ADGRL3: variants seen among roughly 807,000 people sequenced by gnomAD.
The protein encoded by ADGRL3 is adhesion G protein-coupled receptor L3.
A neutral mutation model predicts 153.5 loss-of-function variants in ADGRL3; 62 were observed. The ratio of observed to expected loss-of-function variants is 0.40; its 90% CI spans 0.33 to 0.50. The LOEUF (loss-of-function observed/expected upper bound fraction) is 0.50. Ranked by LOEUF, ADGRL3 falls within the 20% of genes least tolerant of loss-of-function variation. The pLI is 0.47. For synonymous variants in ADGRL3, 710 were observed against 672.5 expected (o/e 1.06, Z -0.86); for missense variants, 1,641 against 1,859.4 (o/e 0.88, Z 2.16).
At position 62,070,878 on chromosome 4, in the gene ADGRL3, A is replaced by G; in HGVS notation, c.4602A>G (p.Lys1534=). Residue 1534 remains lysine, a synonymous_variant, in exon 27 of 27, where the codon AAA becomes AAG. Transcript: ENST00000683033. ...GGACCCCTCCCGAGGGAAGTTCAAAAGGACCGGCTCATTTGGTCACTAGTC... is the reference window on the plus strand; with the variant it reads ...GGACCCCTCCCGAGGGAAGTTCAAAGGGACCGGCTCATTTGGTCACTAGTC... ...KDGTPPEGSS[K]GPAHLVTSL 1 of 1,550,908 alleles carries G rather than the reference A, an allele frequency of 6.4e-7. No homozygotes were observed. The highest frequency in any genetic ancestry group is 8.7e-7 in the Non-Finnish European group (1 of 1,146,528).
intron 8 of ADGRL3, among the ~76,000 whole-genome samples, chr4:61,767,179 A>G (rs561997370): frequency 1.4e-4 from 22 of 152,004 alleles, no homozygotes; most frequent in Non-Finnish European, 2.4e-4. Context: ...GACCCAAAGG[A>G]GGCTTTGGAT....
At chr4:61,817,926 G>T (rs1338057621) in intron 9 of ADGRL3, among the ~76,000 whole-genome samples, 1 of 152,072 alleles carries the variant, frequency 6.6e-6, no homozygotes, top group Non-Finnish European at 1.5e-5. Context: ...TGAGAATTAT[G>T]AGAGCTACAA....
At chr4:61,756,078 GC>G (rs1483327689) in intron 8 of ADGRL3, among the ~76,000 whole-genome samples, 8 of 152,064 alleles carry the variant, frequency 5.3e-5, no homozygotes, top group Non-Finnish European at 1.2e-4. Flanking sequence ...TGTTCTTTTG[GC>G]TTAGGATTGA....
intron 22 of ADGRL3, 136 bp downstream of exon 22, chr4:62,029,017 T>A: frequency 1.4e-6 from 1 of 702,452 alleles, no homozygotes; most frequent in Non-Finnish European, 2.3e-6. Context: ...TGCAGGAAAA[T>A]AATCTGGCAT....
intron 1 of ADGRL3, among the ~76,000 whole-genome samples, chr4:61,349,286 C>T (rs939092732): frequency 2.9e-4 from 44 of 151,908 alleles, no homozygotes; most frequent in African/African-American, 9.2e-4. Flanking sequence ...TTATTTCCTT[C>T]GTAATTTTCA....
intron 13 of ADGRL3, among the ~76,000 whole-genome samples, chr4:61,930,757 C>T (rs569854981): frequency 6.6e-6 from 1 of 151,584 alleles, no homozygotes; most frequent in Non-Finnish European, 1.5e-5. Flanking sequence ...CATTTATATT[C>T]GATTTTTAGA....
intron 1 of ADGRL3, among the ~76,000 whole-genome samples, chr4:61,364,400 T>G (rs1171420840): frequency 6.6e-6 from 1 of 151,858 alleles, no homozygotes; most frequent in East Asian, 1.9e-4. Flanking sequence ...GGGCAATATA[T>G]GTCGTGATTT....
intron 4 of ADGRL3, among the ~76,000 whole-genome samples, 151 bp downstream of exon 4, chr4:61,517,669 G>A (rs2098505614): frequency 6.6e-6 from 1 of 151,816 alleles, no homozygotes; most frequent in South Asian, 2.1e-4. Flanking sequence ...GTGATATCCT[G>A]GCCATTTTTT....
chr4:61,401,842 G>A (rs982644993), intron 2 of ADGRL3, among the ~76,000 whole-genome samples: 1 of 152,024 alleles, frequency 6.6e-6, no homozygotes, highest in Non-Finnish European at 1.5e-5. Context: ...TTGAATGCCA[G>A]TGTTTCAGCT....
At chr4:62,032,022 A>G (rs965197250) in intron 23 of ADGRL3, among the ~76,000 whole-genome samples, 15 of 151,356 alleles carry the variant, frequency 9.9e-5, no homozygotes, top group Admixed American at 4.0e-4. Context: ...TAGGAAATAT[A>G]CATGTGTATA....
chr4:61,458,453 G>A (rs2097776899), intron 2 of ADGRL3, among the ~76,000 whole-genome samples: 2 of 150,932 alleles, frequency 1.3e-5, no homozygotes, highest in Non-Finnish European at 3.0e-5. Context: ...CTCTAGTGTT[G>A]TACTAAAAAT....
chr4:61,223,723 A>C (rs1290883842), intron 1 of ADGRL3, among the ~76,000 whole-genome samples: 1 of 152,182 alleles, frequency 6.6e-6, no homozygotes, highest in Non-Finnish European at 1.5e-5. Context: ...TGTCATTCTT[A>C]CATTGGCCAG....
chr4:61,532,592 AT>A (rs1326199594), intron 4 of ADGRL3, among the ~76,000 whole-genome samples: 1 of 150,184 alleles, frequency 6.7e-6, no homozygotes, highest in Non-Finnish European at 1.5e-5. Context: ...AATTCAACTG[AT>A]GGCTAATGCC....
At chr4:61,589,981 A>T (rs573662469) in intron 5 of ADGRL3, among the ~76,000 whole-genome samples, 2 of 152,194 alleles carry the variant, frequency 1.3e-5, no homozygotes, top group South Asian at 4.1e-4. Context: ...CATTTTCTCC[A>T]ATCACGTGTG....
intron 9 of ADGRL3, among the ~76,000 whole-genome samples, chr4:61,882,629 C>A (rs771000996): frequency 6.6e-6 from 1 of 152,178 alleles, no homozygotes; most frequent in Non-Finnish European, 1.5e-5. Flanking sequence ...CCTCTCTGTC[C>A]TCATTTCACA....
intron 1 of ADGRL3, chr4:61,212,139 A>T (rs1283345285): frequency 6.6e-6 from 1 of 152,214 alleles, no homozygotes; most frequent in Non-Finnish European, 1.5e-5. Context: ...AGAAGTGGAG[A>T]TTGCACAGAA....
chr4:61,890,842 C>T (rs1399266415), intron 9 of ADGRL3, among the ~76,000 whole-genome samples: 3 of 152,148 alleles, frequency 2.0e-5, no homozygotes, highest in Non-Finnish European at 2.9e-5. Flanking sequence ...ACACCATTGA[C>T]ACACTTTTTT....
In ADGRL3 at chr4:61,432,634, CTTTCTTTCTTTCTTTCTTTCTTTTT is replaced by C. The variant is rs2097380035; in HGVS notation, c.-174+49449_-174+49473del. ...TCTTTCTTTCTTTCTTTCTTTCTTT[CTTTCTTTCTTTCTTTCTTTCTTTTT>C]TTTTTTTTTTTGAGACAGAATTTCA... On this transcript the variant is annotated intron_variant, in intron 2 of 26. Transcript: ENST00000683033. Among the ~76,000 whole-genome samples the C allele has an allele frequency of 1.2e-4, 4 of 32,616 alleles. 1 individual carries two copies. Among genetic ancestry groups the C allele is most frequent in the African/African-American group, 3.9e-4 (4 of 10,290 alleles). The allele number at this position is 32,616 out of a possible 152,430, so 21.4% of individuals were successfully genotyped here.
At chr4:61,297,287 T>G (rs916984566) in intron 1 of ADGRL3, among the ~76,000 whole-genome samples, 16 of 152,128 alleles carry the variant, frequency 1.1e-4, no homozygotes, top group Admixed American at 2.6e-4. Flanking sequence ...AAAACCTTTT[T>G]GGGGGTGTCT....
Sources: allele counts gnomAD v4.1 joint callset (sites outside exome capture counted in the v4.1 genomes callset), GRCh38; gene constraint gnomAD v4.1.1; transcripts MANE v1.5; gene names NCBI Gene and HGNC (gene_info 2026-07-23, HGNC 2026-07-21).